SPOCK3: variants seen among roughly 807,000 people sequenced by gnomAD.
SPOCK3 encodes SPARC (osteonectin), cwcv and kazal like domains proteoglycan 3.
SPOCK3 carries 30 observed loss-of-function variants against 56.6 expected under a neutral mutation model. The ratio of observed to expected loss-of-function variants is 0.53; its 90% CI spans 0.40 to 0.72. The LOEUF (loss-of-function observed/expected upper bound fraction) is 0.72, where lower values mean the gene tolerates loss of function less well. Ranked by LOEUF, SPOCK3 falls within the 30% of genes least tolerant of loss-of-function variation. The pLI, the probability that SPOCK3 is intolerant of heterozygous loss-of-function variation, is 0.00. For missense variants in SPOCK3, 527 were observed against 530.0 expected, an observed-to-expected ratio of 0.99 and a Z score of 0.06; for synonymous variants, 196 against 183.3, an observed-to-expected ratio of 1.07 and a Z score of -0.56.
intron 2 of SPOCK3, among the ~76,000 whole-genome samples, chr4:167,221,302 C>T (rs1301895054): frequency 6.6e-6 from 1 of 151,994 alleles, no homozygotes; most frequent in Non-Finnish European, 1.5e-5. Flanking sequence ...CAGGAGTTTC[C>T]CGCTGCAGTG....
chr4:167,234,275 G>A (rs1737510063), intron 1 of SPOCK3, 102 bp from the exon 2 acceptor site: 3 of 1,175,248 alleles, frequency 2.6e-6, no homozygotes, highest in East Asian at 2.5e-5. Context: ...GCAACGACGA[G>A]GGTAGAGGGA....
intron 7 of SPOCK3, among the ~76,000 whole-genome samples, chr4:166,774,403 T>C (rs1357299731): frequency 6.6e-6 from 1 of 152,112 alleles, no homozygotes; most frequent in Non-Finnish European, 1.5e-5. Context: ...GTCTGTGGAG[T>C]AAACATACAA....
chr4:167,115,567 A>G (rs1374530131), intron 2 of SPOCK3, among the ~76,000 whole-genome samples: 5 of 152,130 alleles, frequency 3.3e-5, no homozygotes, highest in African/African-American at 1.2e-4. Flanking sequence ...AATGTGCTAT[A>G]GATTCAAGAA....
rs1739009026 is a variant in SPOCK3, at chr4:166,925,651, C to T, written c.351-12908G>A. On this transcript the variant is annotated intron_variant, in intron 4 of 10. Coordinates refer to ENST00000357545, the MANE Select transcript of SPOCK3 (RefSeq NM_001040159.2). ...CTAGCCTTCTTGGTTTCTAGTGAGA[C>T]ATCAATTCAACCACTCCAAGGTAAA... Among the ~76,000 whole-genome samples the T allele has an allele frequency of 4.0e-5, 6 of 151,622 alleles. No individual in the cohort carries two copies. The South Asian group carries it at 1.3e-3, about 32-fold the overall frequency.
intron 4 of SPOCK3, 123 bp downstream of exon 4, chr4:167,000,226 T>G: frequency 2.0e-6 from 1 of 491,006 alleles, no homozygotes; most frequent in Non-Finnish European, 3.6e-6. Context: ...ACTAAGCTTC[T>G]GTAACTGTTT....
At chr4:167,152,277 G>T (rs1764493811) in intron 2 of SPOCK3, among the ~76,000 whole-genome samples, 1 of 152,184 alleles carries the variant, frequency 6.6e-6, no homozygotes, top group African/African-American at 2.4e-5. Flanking sequence ...TGGAACAGTT[G>T]TTAGATGACT....
At chr4:167,063,220 G>C (rs1755782334) in intron 2 of SPOCK3, among the ~76,000 whole-genome samples, 1 of 151,748 alleles carries the variant, frequency 6.6e-6, no homozygotes, top group Non-Finnish European at 1.5e-5. Context: ...TGACAGTACA[G>C]CACAAATGTA....
At chr4:167,123,740 C>CTTTTT (rs901846399) in intron 2 of SPOCK3, among the ~76,000 whole-genome samples, 59 of 118,234 alleles carry the variant, frequency 5.0e-4, no homozygotes, top group East Asian at 7.4e-4. Context: ...CATTTCTTTT[C>CTTTTT]TTTTTTTTTT....
At chr4:167,031,101 T>G (rs1176747119) in intron 3 of SPOCK3, among the ~76,000 whole-genome samples, 1 of 152,050 alleles carries the variant, frequency 6.6e-6, no homozygotes, top group Non-Finnish European at 1.5e-5. Context: ...ACCTTAATGT[T>G]TAGATAAATT....
rs566450497 is a variant in SPOCK3, at chr4:166,888,449, G to A, written c.589+681C>T. ...TCTTTATCTAGAGGTGCTGAGGGCTGGAGCTAGCAGCCATGGAGACTTTTT... is the reference window on the plus strand; with the variant it reads ...TCTTTATCTAGAGGTGCTGAGGGCTAGAGCTAGCAGCCATGGAGACTTTTT... On this transcript the variant is annotated intron_variant, in intron 6 of 10. Transcript: ENST00000357545. Among the ~76,000 whole-genome samples the A allele has an allele frequency of 1.2e-3, 175 of 152,036 alleles. 1 individual carries two copies. The highest frequency in any genetic ancestry group is 6.4e-3 in the South Asian group (31 of 4,814).
chr4:166,953,302 G>A (rs1425195405), intron 4 of SPOCK3, among the ~76,000 whole-genome samples: 2 of 152,162 alleles, frequency 1.3e-5, no homozygotes, highest in Admixed American at 6.5e-5. Flanking sequence ...CTCAAAAGAA[G>A]ACATTTATGC....
chr4:167,197,543 C>T (rs192929418), intron 2 of SPOCK3, among the ~76,000 whole-genome samples: 1 of 150,400 alleles, frequency 6.6e-6, no homozygotes, highest in African/African-American at 2.4e-5. Context: ...TACATAAATG[C>T]TCAAAAGTTA....
At chr4:167,166,350 T>C (rs1211437920) in intron 2 of SPOCK3, among the ~76,000 whole-genome samples, 3 of 152,130 alleles carry the variant, frequency 2.0e-5, no homozygotes, top group Non-Finnish European at 4.4e-5. Context: ...TTTTCAACTG[T>C]ACCTCAAGGC....
chr4:166,828,871 C>T (rs796210831), intron 6 of SPOCK3, among the ~76,000 whole-genome samples: 18 of 151,986 alleles, frequency 1.2e-4, no homozygotes, highest in African/African-American at 4.3e-4. Context: ...TTGAATCCCC[C>T]AAGAGAAATG....
At chr4:166,981,176 C>T (rs1746525668) in intron 4 of SPOCK3, among the ~76,000 whole-genome samples, 1 of 151,380 alleles carries the variant, frequency 6.6e-6, no homozygotes, top group Non-Finnish European at 1.5e-5. Context: ...TAGCTCCTTT[C>T]CACAGGAAGG....
intron 4 of SPOCK3, among the ~76,000 whole-genome samples, chr4:166,958,436 A>G (rs2150051996): frequency 6.6e-6 from 1 of 152,184 alleles, no homozygotes; most frequent in Admixed American, 6.5e-5. Context: ...ACAAACTAAT[A>G]CACCTCCTTT....
intron 5 of SPOCK3, among the ~76,000 whole-genome samples, chr4:166,898,779 G>A (rs1215131040): frequency 6.6e-6 from 1 of 152,162 alleles, no homozygotes; most frequent in African/African-American, 2.4e-5. Context: ...AAAAATAGGT[G>A]TGTGTAACTT....
chr4:166,798,693 G>T (rs966176647), intron 6 of SPOCK3, among the ~76,000 whole-genome samples: 1 of 152,048 alleles, frequency 6.6e-6, no homozygotes, highest in Non-Finnish European at 1.5e-5. Flanking sequence ...AGCAAAATTT[G>T]TTTGCAATAT....
At chr4:166,924,322 GC>G (rs1738829614) in intron 4 of SPOCK3, among the ~76,000 whole-genome samples, 1 of 152,180 alleles carries the variant, frequency 6.6e-6, no homozygotes, top group African/African-American at 2.4e-5. Flanking sequence ...TATTTAGGAA[GC>G]AAGCATTCAG....
Sources: allele counts gnomAD v4.1 joint callset (sites outside exome capture counted in the v4.1 genomes callset), GRCh38; gene constraint gnomAD v4.1.1; transcripts MANE v1.5; gene names NCBI Gene and HGNC (gene_info 2026-07-23, HGNC 2026-07-21).